SEMA3C: variants seen among roughly 807,000 people sequenced by gnomAD.
SEMA3C encodes the protein semaphorin 3C.
Under a neutral mutation model 89.4 loss-of-function variants are expected in SEMA3C, and 47 were observed. The observed-to-expected ratio is 0.53, with a 90% CI of 0.42 to 0.67. The LOEUF is 0.67. Ranked by LOEUF, SEMA3C falls within the 30% of genes least tolerant of loss-of-function variation. SEMA3C has a pLI of 0.00. For missense variants in SEMA3C, 839 were observed against 929.1 expected, an observed-to-expected ratio of 0.90 and a Z score of 1.26; for synonymous variants, 310 against 320.2, an observed-to-expected ratio of 0.97 and a Z score of 0.34.
chr7:80,884,704 C>G (rs1791431880), intron 2 of SEMA3C, among the ~76,000 whole-genome samples: 1 of 152,158 alleles, frequency 6.6e-6, no homozygotes, highest in African/African-American at 2.4e-5. Context: ...GATGTAAACT[C>G]TAAACACATG....
intron 2 of SEMA3C, among the ~76,000 whole-genome samples, chr7:80,910,703 T>C (rs1489597549): frequency 1.3e-5 from 2 of 151,842 alleles, no homozygotes; most frequent in Non-Finnish European, 2.9e-5. Flanking sequence ...AAAGTGATAG[T>C]TCTTTATTAT....
chr7:80,803,288 A>T (rs1789252087), intron 8 of SEMA3C, among the ~76,000 whole-genome samples: 1 of 152,166 alleles, frequency 6.6e-6, no homozygotes, highest in African/African-American at 2.4e-5. Flanking sequence ...CTAATTATAC[A>T]TTATAAGGAG....
Position 80,880,147 on chromosome 7 carries a change from T to G in SEMA3C, c.103+36532A>C, listed in dbSNP as rs531453960. 2.0e-5 allele frequency among the ~76,000 whole-genome samples: 3 copies of G among 152,236 alleles called. No homozygotes were observed. In the East Asian group the frequency reaches 5.8e-4, roughly 29 times the overall value. ...CCCTTGGTTAAGTCCCTTATTCCAT[T>G]CAAATCTTTGCTCAAATCTCAACAT... On this transcript the variant is annotated intron_variant, in intron 2 of 17. Transcript: ENST00000265361.
At chr7:80,809,810 A>G (rs947280573) in intron 6 of SEMA3C, among the ~76,000 whole-genome samples, 11 of 152,172 alleles carry the variant, frequency 7.2e-5, no homozygotes, top group Non-Finnish European at 1.2e-4. Flanking sequence ...TTATGACAAC[A>G]TGGATGGAAC....
intron 12 of SEMA3C, among the ~76,000 whole-genome samples, chr7:80,785,686 C>A (rs1389043651): frequency 6.6e-6 from 1 of 152,214 alleles, no homozygotes; most frequent in Non-Finnish European, 1.5e-5. Context: ...ATGGCGCAAT[C>A]TTCACTCACC....
At chr7:80,907,221 T>A (rs1409516449) in intron 2 of SEMA3C, among the ~76,000 whole-genome samples, 2 of 151,910 alleles carry the variant, frequency 1.3e-5, no homozygotes, top group Admixed American at 6.6e-5. Flanking sequence ...AGAAAAAAAA[T>A]TCCAGTTGCA....
intron 2 of SEMA3C, among the ~76,000 whole-genome samples, chr7:80,914,494 C>G (rs1350119750): frequency 6.7e-6 from 1 of 149,864 alleles, no homozygotes; most frequent in East Asian, 1.9e-4. Flanking sequence ...TTCCCTATAA[C>G]TTGTCTATGT....
At chr7:80,863,536 T>C (rs1219302446) in intron 2 of SEMA3C, among the ~76,000 whole-genome samples, 3 of 151,624 alleles carry the variant, frequency 2.0e-5, no homozygotes, top group Non-Finnish European at 4.4e-5. Context: ...GAATTCGTTA[T>C]AGAAAAAAGG....
intron 2 of SEMA3C, among the ~76,000 whole-genome samples, chr7:80,890,659 G>C (rs1251487537): frequency 1.3e-5 from 2 of 152,134 alleles, no homozygotes; most frequent in East Asian, 3.9e-4. Context: ...AGTTCATGGA[G>C]CTCCAAAAAT....
intron 2 of SEMA3C, among the ~76,000 whole-genome samples, chr7:80,862,708 AG>A (rs752902894): frequency 2.3e-4 from 35 of 152,228 alleles, no homozygotes; most frequent in Non-Finnish European, 4.1e-4. Flanking sequence ...ATAAGGCCAT[AG>A]TCACCAAAAC....
intron 5 of SEMA3C, among the ~76,000 whole-genome samples, chr7:80,817,245 C>T (rs973682130): frequency 6.6e-6 from 1 of 151,910 alleles, no homozygotes; most frequent in Non-Finnish European, 1.5e-5. Flanking sequence ...GTATAAATTA[C>T]ATGTCTGAAA....
At chr7:80,902,878 C>T (rs908044779) in intron 2 of SEMA3C, among the ~76,000 whole-genome samples, 4 of 152,110 alleles carry the variant, frequency 2.6e-5, no homozygotes, top group East Asian at 1.9e-4. Flanking sequence ...TTTCTGCCTA[C>T]GTGAAAACAG....
intron 14 of SEMA3C, among the ~76,000 whole-genome samples, chr7:80,758,706 G>T (rs1451602078): frequency 1.3e-5 from 2 of 152,238 alleles, no homozygotes; most frequent in South Asian, 2.1e-4. Flanking sequence ...AAAAAGAAAA[G>T]CTCAAAGCAC....
intron 12 of SEMA3C, among the ~76,000 whole-genome samples, chr7:80,777,981 A>G (rs900351858): frequency 2.0e-5 from 3 of 152,196 alleles, no homozygotes; most frequent in African/African-American, 7.2e-5. Flanking sequence ...GTCCTCATAA[A>G]AATATCTGCT....
At chr7:80,827,153 G>T (rs1402689478) in intron 4 of SEMA3C, among the ~76,000 whole-genome samples, 2 of 152,056 alleles carry the variant, frequency 1.3e-5, no homozygotes, top group Non-Finnish European at 2.9e-5. Context: ...AATCCACTAG[G>T]AACAGAGGTT....
chr7:80,768,952 T>A lies in SEMA3C; in HGVS notation c.1355-3709A>T, dbSNP rs17154422. Among the ~76,000 whole-genome samples the A allele has an allele frequency of 7.8e-3, 1,189 of 152,378 alleles. 15 individuals are homozygous for A. The highest frequency in any genetic ancestry group is 0.028 in the African/African-American group (1,144 of 41,588). On this transcript the variant is annotated intron_variant, in intron 12 of 17. Transcript: ENST00000265361. The stretch of plus-strand genomic sequence containing the variant: ...CATGTTATCATAGAAAGCATTTTTT[T>A]AACAAGTCTTAACAGTTTTATGGTT...
At chr7:80,888,597 A>G (rs988888639) in intron 2 of SEMA3C, among the ~76,000 whole-genome samples, 5 of 152,212 alleles carry the variant, frequency 3.3e-5, no homozygotes, top group Non-Finnish European at 7.3e-5. Context: ...CTACATTGTA[A>G]TTAACAAAGG....
intron 7 of SEMA3C, among the ~76,000 whole-genome samples, 184 bp from the exon 8 acceptor site, chr7:80,804,432 A>T (rs1583893412): frequency 6.6e-6 from 1 of 152,200 alleles, no homozygotes; most frequent in African/African-American, 2.4e-5. Flanking sequence ...AATGTCGAGT[A>T]CCACAGGAAG....
chr7:80,847,818 T>C (rs575756153), intron 2 of SEMA3C, among the ~76,000 whole-genome samples: 35 of 152,284 alleles, frequency 2.3e-4, no homozygotes, highest in Admixed American at 5.9e-4. Flanking sequence ...AACAACAACC[T>C]TGTTCATACA....
Sources: allele counts gnomAD v4.1 joint callset (sites outside exome capture counted in the v4.1 genomes callset), GRCh38; gene constraint gnomAD v4.1.1; transcripts MANE v1.5; gene names NCBI Gene and HGNC (gene_info 2026-07-23, HGNC 2026-07-21).